The following ZNF207 variants were observed in gnomAD, a reference collection of about 807,000 sequenced individuals.
ZNF207 encodes the protein BUB3-interacting and GLEBS motif-containing protein ZNF207.
ZNF207 carries 24 observed loss-of-function variants against 60.2 expected under a neutral mutation model. That is an observed-to-expected ratio of 0.40 (90% CI 0.29 to 0.56). The LOEUF (loss-of-function observed/expected upper bound fraction) is 0.56. ZNF207 is among the 20% of genes least tolerant of loss of function. ZNF207 has a pLI of 0.49. For missense variants in ZNF207, 452 were observed against 636.6 expected (o/e 0.71, Z 3.12); for synonymous variants, 236 against 194.7 (o/e 1.21, Z -1.77).
intron 2 of ZNF207, among the ~76,000 whole-genome samples, chr17:32,356,717 A>C (rs957381038): frequency 6.6e-6 from 1 of 152,220 alleles, no homozygotes; most frequent in Non-Finnish European, 1.5e-5. Context: ...AGTCTAGGCA[A>C]AATACTTTGA....
At chr17:32,367,259 ATATATATATATATATATATAT>A (rs1905226389) in intron 9 of ZNF207, among the ~76,000 whole-genome samples, 1 of 109,904 alleles carries the variant, frequency 9.1e-6, no homozygotes, top group Non-Finnish European at 1.9e-5. Flanking sequence ...ATATATATAT[ATATATATATATATATATATAT>A]ATATAAAGAA....
chr17:32,368,140 GT>G, intron 10 of ZNF207, 126 bp downstream of exon 10: 3 of 1,352,016 alleles, frequency 2.2e-6, no homozygotes, highest in Non-Finnish European at 3.0e-6. Context: ...TCACTAAGTG[GT>G]TTTTGCCATT....
At chr17:32,364,476 C>T (rs1366707335) in intron 7 of ZNF207, among the ~76,000 whole-genome samples, 1 of 151,428 alleles carries the variant, frequency 6.6e-6, no homozygotes, top group African/African-American at 2.4e-5. Flanking sequence ...TCTCCTGCCT[C>T]AGCCTCCTGA....
chr17:32,360,176 A>AC (rs34129815), intron 3 of ZNF207, among the ~76,000 whole-genome samples: 8,654 of 58,866 alleles, frequency 0.15, 1,334 homozygotes, highest in African/African-American at 0.27. Context: ...CCTCACCTTT[A>AC]CCCCCCCCCC....
chr17:32,369,132 T>G, intron 10 of ZNF207, 163 bp from the exon 11 acceptor site: 2 of 651,138 alleles, frequency 3.1e-6, no homozygotes, highest in Non-Finnish European at 2.5e-6. Context: ...GTATCTAGAG[T>G]TTAAGTAGTT....
At chr17:32,351,764 G>T (rs1293773167) in intron 1 of ZNF207, 22 bp from the exon 2 acceptor site, 2 of 1,608,810 alleles carry the variant, frequency 1.2e-6, no homozygotes, top group Non-Finnish European at 1.7e-6. Flanking sequence ...GGCTGTCTTT[G>T]TGCCTTAACA....
intron 8 of ZNF207, 31 bp downstream of exon 8, chr17:32,365,518 T>C: frequency 6.2e-7 from 1 of 1,605,988 alleles, no homozygotes; most frequent in Non-Finnish European, 8.5e-7. Flanking sequence ...AGGAGTGCAC[T>C]TATATTTAAA....
chr17:32,367,284 T>A (rs1200817147), intron 9 of ZNF207, among the ~76,000 whole-genome samples: 42 of 131,062 alleles, frequency 3.2e-4, no homozygotes, highest in African/African-American at 1.2e-3. Flanking sequence ...TATATATATA[T>A]AAAGAATACT....
intron 1 of ZNF207, 66 bp from the exon 2 acceptor site, chr17:32,351,720 C>T (rs764728467): frequency 6.2e-7 from 1 of 1,610,784 alleles, no homozygotes; most frequent in South Asian, 1.1e-5. Flanking sequence ...GTAATGTTAT[C>T]CATATGTTTT....
At chr17:32,365,900 GTGA>G (rs1905141288) in intron 8 of ZNF207, among the ~76,000 whole-genome samples, 1 of 152,198 alleles carries the variant, frequency 6.6e-6, no homozygotes, top group Non-Finnish European at 1.5e-5. Context: ...GTACGGAACA[GTGA>G]TGAGCTACAA....
rs1156695284 is a variant in ZNF207 at position 32,376,449 on chromosome 17, C to T, written c.*6690C>T. The T allele has an allele frequency of 6.6e-6, 1 of 151,926 alleles. No individual in the cohort carries two copies. The highest frequency in any genetic ancestry group is 1.5e-5 in the Non-Finnish European group (1 of 67,876). 9.4% of individuals were successfully genotyped at this position (151,926 alleles called of 1,614,324 possible). On this transcript the variant is annotated 3_prime_UTR_variant, in exon 12 of 12. Coordinates refer to ENST00000394670, the MANE Select transcript of ZNF207 (RefSeq NM_001098507.2). ...TGAAAAGCTTTTCATTTTCTTAACT[C>T]TGGAAAATAATAGTTTGGAACTAAA...
At chr17:32,359,554 G>A (rs1904737847) in intron 3 of ZNF207, among the ~76,000 whole-genome samples, 1 of 151,672 alleles carries the variant, frequency 6.6e-6, no homozygotes, top group Non-Finnish European at 1.5e-5. Flanking sequence ...CTCCCCTTGT[G>A]ATAATATTCT....
chr17:32,363,285 A>G (rs1879177360), intron 7 of ZNF207, among the ~76,000 whole-genome samples: 1 of 151,326 alleles, frequency 6.6e-6, no homozygotes, highest in Admixed American at 6.6e-5. Flanking sequence ...ACGGGGTTTT[A>G]CCATGTTGAC....
rs979506479 is a variant in ZNF207 at position 32,379,162 on chromosome 17, C to G, written c.*9403C>G. The G allele has an allele frequency of 6.6e-6, 1 of 150,938 alleles. No homozygotes were observed. The highest frequency in any genetic ancestry group is 2.4e-5 in the African/African-American group (1 of 41,068). 9.3% of individuals were successfully genotyped at this position (150,938 alleles called of 1,614,324 possible). A position where few individuals can be genotyped will look rare whatever the true frequency, so the allele number is the denominator to read the frequency against. On this transcript the variant is annotated 3_prime_UTR_variant, in exon 12 of 12. Coordinates refer to ENST00000394670, the MANE Select transcript of ZNF207 (RefSeq NM_001098507.2). Reference sequence around the variant, plus strand: ...ATCTGTATATGAAATGGTGTAGATACAGTGGAAATGGTTTTCCTTAAAACC... The same window carrying G: ...ATCTGTATATGAAATGGTGTAGATAGAGTGGAAATGGTTTTCCTTAAAACC...
intron 1 of ZNF207, 181 bp from the exon 2 acceptor site, chr17:32,351,605 T>G: frequency 6.5e-7 from 1 of 1,538,088 alleles, no homozygotes; most frequent in East Asian, 2.4e-5. Context: ...TCTAGGAAAT[T>G]GAAAATACTG....
Position 32,365,190 on chromosome 17 carries a change from C to G in ZNF207, c.671-140C>G. Reference sequence around the variant, plus strand: ...GGGAAAATTTAAGGTAAGAATGTTGCATGGGGCAAATGCCTAAGTTCCTTG... The same window carrying G: ...GGGAAAATTTAAGGTAAGAATGTTGGATGGGGCAAATGCCTAAGTTCCTTG... On this transcript the variant is annotated intron_variant, in intron 7 of 11. Coordinates refer to ENST00000394670, the MANE Select transcript of ZNF207 (RefSeq NM_001098507.2). 4 of 879,962 alleles carry G rather than the reference C, an allele frequency of 4.5e-6. No individual in the cohort carries two copies. The South Asian group carries it at 8.0e-5, about 18-fold the overall frequency. 54.5% of individuals were successfully genotyped at this position (879,962 alleles called of 1,614,324 possible). A position where few individuals can be genotyped will look rare whatever the true frequency, so the allele number is the denominator to read the frequency against.
rs1390172678 is a variant in ZNF207 at position 32,367,753 on chromosome 17, GA to G, written c.922-17del. The stretch of plus-strand genomic sequence containing the variant: ...TTTAAGGTTTTGAAGTTTCGTTGAT[GA>G]AGTATTGTATTTTACAGGCTCAGGC... On this transcript the variant is annotated intron_variant, in intron 9 of 11. Transcript: ENST00000394670. The G allele has an allele frequency of 1.9e-6, 3 of 1,609,748 alleles. No individual in the cohort carries two copies. Among genetic ancestry groups the G allele is most frequent in the Non-Finnish European group, 2.5e-6 (3 of 1,177,728 alleles).
rs755151241 is a variant in ZNF207, at chr17:32,369,406, C to T, written c.1276C>T (p.Pro426Ser). 6.2e-7 allele frequency: 1 copy of T among 1,614,156 alleles called. No homozygotes were observed. The highest frequency in any genetic ancestry group is 8.5e-7 in the Non-Finnish European group (1 of 1,180,024). ...GPIGGMMPPQ[P>S]GIPQQQGMRP... ...AATTGGAGGTATGATGCCACCACAGCCAGGCATCCCACAGCAACAAGGAAT... is the reference window on the plus strand; with the variant it reads ...AATTGGAGGTATGATGCCACCACAGTCAGGCATCCCACAGCAACAAGGAAT... Residue 426 changes from proline to serine, a missense_variant, in exon 11 of 12, where the codon CCA becomes TCA. By Grantham distance (74) the Pro-to-Ser change is moderately conservative (BLOSUM62 -1). Transcript: ENST00000394670.
intron 1 of ZNF207, chr17:32,351,504 T>A: frequency 6.7e-7 from 1 of 1,495,878 alleles, no homozygotes; most frequent in South Asian, 1.3e-5. Flanking sequence ...AACAAAAGTT[T>A]CACCGACATC....
Sources: allele counts gnomAD v4.1 joint callset (sites outside exome capture counted in the v4.1 genomes callset), GRCh38; gene constraint gnomAD v4.1.1; transcripts MANE v1.5; gene names NCBI Gene and HGNC (gene_info 2026-07-23, HGNC 2026-07-21).